The following CEP128 variants were observed in gnomAD, a reference collection of about 807,000 sequenced individuals.
The protein encoded by CEP128 is centrosomal protein 128kDa.
Under a neutral mutation model 156.7 loss-of-function variants are expected in CEP128, and 132 were observed. That is an observed-to-expected ratio of 0.84 (90% CI 0.73 to 0.97). The LOEUF (loss-of-function observed/expected upper bound fraction) is 0.97. Among genes scored for constraint, CEP128 ranks in the 50% least tolerant of loss-of-function variants. The probability of loss-of-function intolerance (pLI) is 0.00; values close to 1 mark genes in which losing one functional copy is unlikely to be tolerated. For missense variants in CEP128, 1,252 were observed against 1,281.9 expected, an observed-to-expected ratio of 0.98 and a Z score of 0.36; for synonymous variants, 469 against 448.9, an observed-to-expected ratio of 1.04 and a Z score of -0.57.
chr14:80,797,776 T>C (rs1883578466), intron 13 of CEP128, among the ~76,000 whole-genome samples: 2 of 152,010 alleles, frequency 1.3e-5, no homozygotes, highest in South Asian at 4.2e-4. Flanking sequence ...ACATAATAAA[T>C]CCATGCATAA....
At chr14:80,938,544 G>C (rs978336461) in intron 2 of CEP128, among the ~76,000 whole-genome samples, 1 of 152,206 alleles carries the variant, frequency 6.6e-6, no homozygotes, top group East Asian at 1.9e-4. Flanking sequence ...ACCGCGCCCG[G>C]CCACACAGTA....
At chr14:80,703,239 T>G (rs902789467) in intron 19 of CEP128, among the ~76,000 whole-genome samples, 1 of 152,082 alleles carries the variant, frequency 6.6e-6, no homozygotes, top group African/African-American at 2.4e-5. Flanking sequence ...AAATAAGTTA[T>G]AAAAGGACCC....
At chr14:80,671,472 T>C (rs1895838681) in intron 19 of CEP128, among the ~76,000 whole-genome samples, 1 of 151,974 alleles carries the variant, frequency 6.6e-6, no homozygotes, top group Admixed American at 6.6e-5. Flanking sequence ...TAGGGAAGAG[T>C]ATCAGGCTAA....
At chr14:80,655,657 C>G (rs1373952737) in intron 19 of CEP128, among the ~76,000 whole-genome samples, 1 of 152,138 alleles carries the variant, frequency 6.6e-6, no homozygotes, top group Non-Finnish European at 1.5e-5. Context: ...GGAGAAGTAT[C>G]CAGGTGACTT....
At position 80,497,422 on chromosome 14, in the gene CEP128, T is replaced by C; in HGVS notation, c.*57A>G. On this transcript the variant is annotated 3_prime_UTR_variant, in exon 25 of 25. Transcript: ENST00000555265. ...AATCTGGGCCAAATTGCTGTAAGAA[T>C]AGAGATGTTATTATTTGTAACATAC... 2 of 1,186,732 alleles carry C rather than the reference T, an allele frequency of 1.7e-6. No individual in the cohort carries two copies. Among genetic ancestry groups the C allele is most frequent in the Non-Finnish European group, 2.5e-6 (2 of 807,462 alleles). 73.5% of individuals were successfully genotyped at this position (1,186,732 alleles called of 1,614,324 possible).
intron 1 of CEP128, among the ~76,000 whole-genome samples, chr14:80,959,189 T>C (rs892653007): frequency 5.3e-5 from 8 of 152,166 alleles, no homozygotes; most frequent in Non-Finnish European, 7.3e-5. Context: ...TATGATGCTT[T>C]ACCTGAGTGG....
At chr14:80,595,608 C>T (rs888464895) in intron 19 of CEP128, among the ~76,000 whole-genome samples, 2 of 152,132 alleles carry the variant, frequency 1.3e-5, no homozygotes, top group Non-Finnish European at 2.9e-5. Context: ...AAAGCTTACA[C>T]AAAGAGTTTT....
chr14:80,551,138 A>C (rs1436653739), intron 21 of CEP128, among the ~76,000 whole-genome samples: 1 of 152,190 alleles, frequency 6.6e-6, no homozygotes, highest in Non-Finnish European at 1.5e-5. Flanking sequence ...TCAGCCCTAC[A>C]AAGTTCTCTT....
At chr14:80,558,389 AGCAATTCTCCT>A in intron 21 of CEP128, among the ~76,000 whole-genome samples, 1 of 152,104 alleles carries the variant, frequency 6.6e-6, no homozygotes, top group Non-Finnish European at 1.5e-5. Flanking sequence ...CCCAGGTTCA[AGCAATTCTCCT>A]GCTTCAGCCT....
intron 19 of CEP128, among the ~76,000 whole-genome samples, chr14:80,690,684 CAACT>C (rs1408722981): frequency 2.6e-5 from 4 of 152,020 alleles, no homozygotes; most frequent in Admixed American, 6.5e-5. Flanking sequence ...ACAATGAATC[CAACT>C]AACTATTTCA....
chr14:80,901,060 G>C (rs966546457), intron 6 of CEP128, among the ~76,000 whole-genome samples: 3 of 151,874 alleles, frequency 2.0e-5, no homozygotes, highest in African/African-American at 7.3e-5. Flanking sequence ...CAAAAAATTA[G>C]CCGGGCGTGG....
chr14:80,898,682 T>C (rs1566702060), intron 7 of CEP128, among the ~76,000 whole-genome samples: 1 of 152,218 alleles, frequency 6.6e-6, no homozygotes, highest in Non-Finnish European at 1.5e-5. Context: ...AAGCCATTCC[T>C]ACAATACATT....
At chr14:80,920,190 T>A (rs1375946326) in intron 2 of CEP128, among the ~76,000 whole-genome samples, 1 of 152,216 alleles carries the variant, frequency 6.6e-6, no homozygotes, top group African/African-American at 2.4e-5. Flanking sequence ...AGCACCTAAC[T>A]AACCCTTTGT....
At chr14:80,507,745 T>G (rs1888046115) in intron 23 of CEP128, among the ~76,000 whole-genome samples, 1 of 152,006 alleles carries the variant, frequency 6.6e-6, no homozygotes, top group Non-Finnish European at 1.5e-5. Context: ...AAACAGATGG[T>G]GTAATGGTGG....
chr14:80,951,719 C>T (rs950673092), intron 2 of CEP128, among the ~76,000 whole-genome samples: 10 of 151,836 alleles, frequency 6.6e-5, no homozygotes, highest in African/African-American at 1.2e-4. Flanking sequence ...GCAGAGACGG[C>T]GAGACTGAAA....
intron 2 of CEP128, among the ~76,000 whole-genome samples, chr14:80,952,762 G>A (rs892591392): frequency 6.6e-6 from 1 of 151,964 alleles, no homozygotes; most frequent in Non-Finnish European, 1.5e-5. Context: ...TCTGGATAAA[G>A]TACTTAGGTG....
chr14:80,537,627 C>T (rs1320466928), intron 21 of CEP128, among the ~76,000 whole-genome samples: 1 of 152,112 alleles, frequency 6.6e-6, no homozygotes, highest in Non-Finnish European at 1.5e-5. Context: ...TAAAACTGAA[C>T]ATAAAATGTA....
At chr14:80,942,765 C>T (rs1193795972), upstream of CEP128, among the ~76,000 whole-genome samples, 2 of 151,952 alleles carry the variant, frequency 1.3e-5, no homozygotes, top group African/African-American at 2.4e-5. Flanking sequence ...TGCCCTTCTC[C>T]GTTCATATCC....
rs1466562422 is a variant in CEP128, at chr14:80,840,010, G to T, written c.849+672C>A. ...TACTTCGCTTACCCTAAAAGCAGCA[G>T]GGAAGCTGCCTTTACATGAGTTGGT... On this transcript the variant is annotated intron_variant, in intron 10 of 24. Coordinates refer to ENST00000555265, the MANE Select transcript of CEP128 (RefSeq NM_152446.5). Among the ~76,000 whole-genome samples, 4 of 152,230 alleles carry T rather than the reference G, an allele frequency of 2.6e-5. No homozygotes were observed. The East Asian group carries it at 7.7e-4, about 29-fold the overall frequency.
Sources: gnomAD v4.1 joint callset for allele counts (sites outside exome capture counted in the v4.1 genomes callset) on GRCh38, gnomAD v4.1.1 for gene constraint, MANE v1.5 for transcripts, NCBI Gene and HGNC (gene_info 2026-07-23, HGNC 2026-07-21) for gene names.